The following LY75 variants were observed in gnomAD, a reference collection of about 807,000 sequenced individuals.
LY75 encodes the protein lymphocyte antigen 75.
LY75 carries 185 observed loss-of-function variants against 231.7 expected under a neutral mutation model. The ratio of observed to expected loss-of-function variants is 0.80; its 90% CI spans 0.71 to 0.90. The LOEUF is 0.90. Among genes scored for constraint, LY75 ranks in the 40% least tolerant of loss-of-function variants. LY75 has a pLI of 0.00. For synonymous variants in LY75, 668 were observed against 689.0 expected, an observed-to-expected ratio of 0.97 and a Z score of 0.48; for missense variants, 1,947 against 2,050.2, an observed-to-expected ratio of 0.95 and a Z score of 0.97.
chr2:159,897,755 AT>A (rs1408898306), intron 2 of LY75, among the ~76,000 whole-genome samples: 2 of 152,198 alleles, frequency 1.3e-5, no homozygotes, highest in Admixed American at 6.5e-5. Flanking sequence ...GCATATCGAC[AT>A]TTGGTGTAAT....
In LY75 at chr2:159,904,704, C is replaced by G. The variant is rs372654956; in HGVS notation, c.-22G>C. On this transcript the variant is annotated 5_prime_UTR_variant, in exon 1 of 35. Coordinates refer to ENST00000263636, the MANE Select transcript of LY75 (RefSeq NM_002349.4). ...TCATCCTGAGCTGGCGCAAGCCTTC[C>G]GGCCGGGTCCTCGGGCGCACGCGGC... is the stretch of plus-strand genomic sequence containing the variant. The G allele has an allele frequency of 2.1e-6, 3 of 1,407,970 alleles. No individual in the cohort carries two copies. The highest frequency in any genetic ancestry group is 3.0e-5 in the South Asian group (2 of 66,296). 87.2% of individuals were successfully genotyped at this position (1,407,970 alleles called of 1,614,324 possible).
intron 13 of LY75, chr2:159,872,115 G>T: frequency 5.5e-6 from 1 of 181,338 alleles, no homozygotes; most frequent in South Asian, 1.8e-4. Context: ...CCTTCTTTAT[G>T]ACATTTTTCC....
chr2:159,831,756 T>A lies in LY75; in HGVS notation c.3872A>T (p.Asp1291Val). ...AAGAACAAAGTTATTCTCCTTTTCA[T>A]CTCGAATACTCAGAATATGTGATTT... ...NPKSHILSIR[D>V]EKENNFVLEQ... Residue 1291 changes from aspartate (D) to valine (V), a missense_variant, in exon 28 of 35, where the codon GAT (aspartate) becomes GTT (valine). Asp to Val is a radical substitution (Grantham distance 152). Coordinates refer to ENST00000263636, the MANE Select transcript of LY75 (RefSeq NM_002349.4). The A allele has an allele frequency of 6.2e-7, 1 of 1,611,586 alleles. No individual in the cohort carries two copies. The highest frequency in any genetic ancestry group is 1.1e-5 in the South Asian group (1 of 90,306).
intron 23 of LY75, among the ~76,000 whole-genome samples, chr2:159,848,172 G>GTA (rs1264794738): frequency 4.6e-4 from 61 of 131,510 alleles, no homozygotes; most frequent in African/African-American, 2.0e-3. Flanking sequence ...GTGTGTATAT[G>GTA]TATATATATG....
intron 12 of LY75, among the ~76,000 whole-genome samples, chr2:159,875,150 A>G (rs1174875409): frequency 6.6e-6 from 1 of 151,652 alleles, no homozygotes; most frequent in Non-Finnish European, 1.5e-5. Context: ...TATGAGGATC[A>G]TAGGCATAGT....
chr2:159,860,110 T>C (rs887302342), intron 15 of LY75, among the ~76,000 whole-genome samples: 16 of 152,216 alleles, frequency 1.1e-4, no homozygotes, highest in African/African-American at 3.9e-4. Flanking sequence ...ACTGACTCCT[T>C]GGACTGTTTA....
intron 21 of LY75, among the ~76,000 whole-genome samples, chr2:159,850,796 ATAT>A (rs1684375832): frequency 7.5e-6 from 1 of 133,096 alleles, no homozygotes; most frequent in African/African-American, 2.9e-5. Context: ...ATATATATAT[ATAT>A]TATATCTTAT....
Position 159,898,762 on chromosome 2 carries a change from G to A in LY75, c.392C>T (p.Thr131Ile). 1 of 1,614,206 alleles carries A rather than the reference G, an allele frequency of 6.2e-7. No individual in the cohort carries two copies. The highest frequency in any genetic ancestry group is 8.5e-7 in the Non-Finnish European group (1 of 1,180,034). ...GACATCAGATGCATTTGAGATTGCT[G>A]TGCCATGTCCATCCTTCAGAGCCAG... Reference protein sequence around the residue: ...YRLALKDGHGTAISNASDVWK... With the variant: ...YRLALKDGHGIAISNASDVWK... The change falls in exon 2 of 35, where the codon ACA (threonine) becomes ATA (isoleucine). Residue 131 changes from threonine to isoleucine, a missense_variant. Physicochemically the swap from Thr to Ile is moderately conservative, Grantham distance 89 (BLOSUM62 -1). Transcript: ENST00000263636.
chr2:159,817,980 CA>C (rs1419309732), intron 29 of LY75, among the ~76,000 whole-genome samples: 1 of 152,038 alleles, frequency 6.6e-6, no homozygotes, highest in Admixed American at 6.6e-5. Flanking sequence ...ACCCAGGAGG[CA>C]GAGGTTGCAG....
chr2:159,902,516 T>C (rs1023902268), intron 1 of LY75: 4 of 152,226 alleles, frequency 2.6e-5, no homozygotes, highest in African/African-American at 9.7e-5. Flanking sequence ...AAGCTGGATA[T>C]TGACATTTAT....
At chr2:159,844,756 A>G (rs1163393866) in intron 23 of LY75, among the ~76,000 whole-genome samples, 1 of 151,180 alleles carries the variant, frequency 6.6e-6, no homozygotes, top group Non-Finnish European at 1.5e-5. Context: ...CTTCCCCACA[A>G]ATCAGTAAGA....
intron 20 of LY75, 75 bp from the exon 21 acceptor site, chr2:159,852,415 T>C: frequency 6.9e-7 from 1 of 1,446,520 alleles, no homozygotes; most frequent in East Asian, 2.5e-5. Context: ...TTTGTGTGTT[T>C]TTTTTTGTTT....
At chr2:159,853,889 T>C (rs949234947) in intron 18 of LY75, among the ~76,000 whole-genome samples, 192 bp from the exon 19 acceptor site, 8 of 152,232 alleles carry the variant, frequency 5.3e-5, no homozygotes, top group Non-Finnish European at 1.2e-4. Flanking sequence ...TTACAGATCC[T>C]ATTGTGGGTA....
At chr2:159,846,437 G>A (rs549365524) in intron 23 of LY75, among the ~76,000 whole-genome samples, 3 of 152,164 alleles carry the variant, frequency 2.0e-5, no homozygotes, top group East Asian at 3.9e-4. Flanking sequence ...TCAGGCAGGC[G>A]GATTGCTTGA....
chr2:159,817,182 G>T, intron 29 of LY75, 150 bp from the exon 30 acceptor site: 1 of 802,892 alleles, frequency 1.2e-6, no homozygotes, highest in Non-Finnish European at 1.9e-6. Context: ...TTTTCTTACT[G>T]GTATGACACA....
intron 1 of LY75, among the ~76,000 whole-genome samples, chr2:159,901,974 C>T (rs1447961951): frequency 6.6e-6 from 1 of 152,170 alleles, no homozygotes; most frequent in Non-Finnish European, 1.5e-5. Flanking sequence ...TCTTACGACC[C>T]TTATTGGGAT....
At chr2:159,886,073 T>C (rs1178613896) in intron 5 of LY75, among the ~76,000 whole-genome samples, 2 of 152,182 alleles carry the variant, frequency 1.3e-5, no homozygotes, top group East Asian at 1.9e-4. Context: ...ATATTAGAGT[T>C]CAGCTGCAGA....
In LY75 at chr2:159,810,602, C is replaced by T; in HGVS notation, c.4623G>A (p.Gln1541=). Residue 1541 remains glutamine, a synonymous_variant, in exon 32 of 35, where the codon CAG becomes CAA. Coordinates refer to ENST00000263636, the MANE Select transcript of LY75 (RefSeq NM_002349.4). The stretch of plus-strand genomic sequence containing the variant: ...CAGACTTGTAACAGTGACCCTTGTA[C>T]TGGATCCACCGTGACCCATTCTCTT... ...AAKENGSRWI[Q]YKGHCYKSDQ... The T allele has an allele frequency of 6.2e-7, 1 of 1,614,156 alleles. No homozygotes were observed. Among genetic ancestry groups the T allele is most frequent in the Non-Finnish European group, 8.5e-7 (1 of 1,180,020 alleles).
Position 159,835,561 on chromosome 2 carries a change from C to G in LY75, c.3592G>C (p.Val1198Leu), listed in dbSNP as rs1683793342. ...CAGAATCCATCAGTGTCTAATACTA[C>G]ACAGTCTTCGAGTTGCCCATTAGTT... The part of the protein sequence containing the change: ...AETNGQLEDC[V>L]VLDTDGFWKT... The change falls in exon 26 of 35, where the codon GTA (valine) becomes CTA (leucine). Residue 1198 changes from valine to leucine, a missense_variant. Coordinates refer to ENST00000263636, the MANE Select transcript of LY75 (RefSeq NM_002349.4). The G allele has an allele frequency of 1.2e-6, 2 of 1,613,690 alleles. No individual in the cohort carries two copies. The highest frequency in any genetic ancestry group is 1.3e-5 in the African/African-American group (1 of 74,898).
Sources: gnomAD v4.1 joint callset for allele counts (sites outside exome capture counted in the v4.1 genomes callset) on GRCh38, gnomAD v4.1.1 for gene constraint, MANE v1.5 for transcripts, NCBI Gene and HGNC (gene_info 2026-07-23, HGNC 2026-07-21) for gene names.